Variants in FBXL7 observed in about 807,000 individuals in gnomAD.
The protein encoded by FBXL7 is F-box/LRR-repeat protein 7.
FBXL7 carries 12 observed loss-of-function variants against 38.3 expected under a neutral mutation model. That is an observed-to-expected ratio of 0.31 (90% CI 0.20 to 0.51). The LOEUF is 0.51. Ranked by LOEUF, FBXL7 falls within the 20% of genes least tolerant of loss-of-function variation. The probability of loss-of-function intolerance (pLI) is 0.98; values close to 1 mark genes in which losing one functional copy is unlikely to be tolerated. For missense variants in FBXL7, 567 were observed against 676.4 expected (o/e 0.84, Z 1.79); for synonymous variants, 297 against 300.9 (o/e 0.99, Z 0.13).
intron 2 of FBXL7, among the ~76,000 whole-genome samples, chr5:15,622,471 T>A (rs1032774583): frequency 1.3e-5 from 2 of 152,086 alleles, no homozygotes; most frequent in African/African-American, 4.8e-5. Flanking sequence ...GTGTGTGATG[T>A]TCCCCTTCCT....
At chr5:15,848,616 G>A (rs545364958) in intron 2 of FBXL7, among the ~76,000 whole-genome samples, 4 of 152,106 alleles carry the variant, frequency 2.6e-5, no homozygotes, top group South Asian at 4.1e-4. Context: ...TCCTGACCTC[G>A]TGATCTGCCT....
At chr5:15,554,182 G>A (rs1738166611) in intron 1 of FBXL7, among the ~76,000 whole-genome samples, 1 of 152,150 alleles carries the variant, frequency 6.6e-6, no homozygotes, top group African/African-American at 2.4e-5. Flanking sequence ...GAATGGATTT[G>A]TTGAGGTGGT....
At position 15,611,713 on chromosome 5, in the gene FBXL7, T is replaced by C. The variant is rs551740269; in HGVS notation, c.38-4270T>C. Among the ~76,000 whole-genome samples the C allele has an allele frequency of 3.9e-5, 6 of 152,170 alleles. No homozygotes were observed. The East Asian group carries it at 9.7e-4, about 25-fold the overall frequency. On this transcript the variant is annotated intron_variant, in intron 1 of 3. Transcript: ENST00000504595. ...AATCAACTGTATTGGCCAGGCATGA[T>C]GGCTCTTGCCTGTAATCCCAGCACT...
intron 2 of FBXL7, among the ~76,000 whole-genome samples, chr5:15,648,447 T>C (rs1741606235): frequency 6.6e-6 from 1 of 152,230 alleles, no homozygotes; most frequent in Non-Finnish European, 1.5e-5. Flanking sequence ...ATGAAGGTTT[T>C]ATTTTTTCCC....
At chr5:15,859,077 T>C (rs572201617) in intron 2 of FBXL7, among the ~76,000 whole-genome samples, 1 of 152,232 alleles carries the variant, frequency 6.6e-6, no homozygotes, top group Non-Finnish European at 1.5e-5. Flanking sequence ...TAGACAGAGA[T>C]CAAAGAAGCC....
chr5:15,749,244 CAAAAA>C (rs70938027), intron 2 of FBXL7, among the ~76,000 whole-genome samples: 6,310 of 69,952 alleles, frequency 0.09, 145 homozygotes, highest in Middle Eastern at 0.15. Context: ...GACTCTGTCT[CAAAAA>C]AAAAAAAAAA....
At chr5:15,834,765 CT>C (rs1738551642) in intron 2 of FBXL7, among the ~76,000 whole-genome samples, 1 of 152,176 alleles carries the variant, frequency 6.6e-6, no homozygotes, top group Non-Finnish European at 1.5e-5. Flanking sequence ...CTCTCATTTC[CT>C]TTTCTTTCAG....
intron 1 of FBXL7, among the ~76,000 whole-genome samples, chr5:15,529,318 A>G (rs1737350514): frequency 6.6e-6 from 1 of 152,178 alleles, no homozygotes. Context: ...CGTCCATCCA[A>G]TGATAGATAC....
At chr5:15,874,289 T>G (rs1025621537) in intron 2 of FBXL7, among the ~76,000 whole-genome samples, 1 of 152,174 alleles carries the variant, frequency 6.6e-6, no homozygotes, top group African/African-American at 2.4e-5. Flanking sequence ...AAGAGCTGTA[T>G]ATGGCAGACC....
intron 2 of FBXL7, among the ~76,000 whole-genome samples, chr5:15,621,931 C>G (rs2126528601): frequency 6.6e-6 from 1 of 152,208 alleles, no homozygotes; most frequent in South Asian, 2.1e-4. Context: ...TTAATGAAAT[C>G]ACCATCTGTT....
At chr5:15,879,856 G>T (rs969445850) in intron 2 of FBXL7, among the ~76,000 whole-genome samples, 5 of 152,242 alleles carry the variant, frequency 3.3e-5, no homozygotes, top group African/African-American at 1.2e-4. Context: ...GTGATGAGAT[G>T]CCAAATGCCA....
chr5:15,830,416 A>G (rs1738423106), intron 2 of FBXL7, among the ~76,000 whole-genome samples: 1 of 151,798 alleles, frequency 6.6e-6, no homozygotes, highest in Non-Finnish European at 1.5e-5. Flanking sequence ...CCTGGGAGGC[A>G]GAGGTTGCAG....
intron 2 of FBXL7, among the ~76,000 whole-genome samples, chr5:15,677,350 C>T (rs775072238): frequency 1.3e-5 from 2 of 152,060 alleles, no homozygotes; most frequent in Non-Finnish European, 2.9e-5. Flanking sequence ...GCCTGTACTC[C>T]CAGCTACTCA....
Position 15,590,645 on chromosome 5 carries a change from A to T in FBXL7, c.38-25338A>T, listed in dbSNP as rs140335150. Among the ~76,000 whole-genome samples the T allele has an allele frequency of 3.3e-5, 5 of 152,038 alleles. No homozygotes were observed. In the East Asian group the frequency reaches 9.8e-4, roughly 30 times the overall value. On this transcript the variant is annotated intron_variant, in intron 1 of 3. Coordinates refer to ENST00000504595, the MANE Select transcript of FBXL7 (RefSeq NM_012304.5). ...CATTTTCTATTGTGTAACTTTCCAG[A>T]CCACCTTATTGCCCCCAATCAGGTC... is the stretch of plus-strand genomic sequence containing the variant.
At chr5:15,555,439 C>A (rs922751248) in intron 1 of FBXL7, among the ~76,000 whole-genome samples, 1 of 152,148 alleles carries the variant, frequency 6.6e-6, no homozygotes, top group Admixed American at 6.5e-5. Context: ...TAGTTGGGCT[C>A]GCAGTCTTTA....
intron 2 of FBXL7, among the ~76,000 whole-genome samples, chr5:15,736,163 T>A (rs1735742699): frequency 6.6e-6 from 1 of 152,222 alleles, no homozygotes; most frequent in Non-Finnish European, 1.5e-5. Flanking sequence ...AGTTGCAAAT[T>A]TCAGAACCCT....
intron 2 of FBXL7, among the ~76,000 whole-genome samples, chr5:15,899,079 T>A (rs529292387): frequency 5.9e-4 from 90 of 152,162 alleles, no homozygotes; most frequent in African/African-American, 2.0e-3. Flanking sequence ...ATATATATAT[T>A]TTTTGAGACG....
chr5:15,706,808 C>T (rs1196715210), intron 2 of FBXL7, among the ~76,000 whole-genome samples: 3 of 151,978 alleles, frequency 2.0e-5, no homozygotes, highest in Non-Finnish European at 4.4e-5. Flanking sequence ...TGGAAAATGG[C>T]GTTGGGAAGA....
intron 2 of FBXL7, among the ~76,000 whole-genome samples, chr5:15,840,811 C>T (rs915449499): frequency 5.7e-5 from 8 of 140,634 alleles, no homozygotes; most frequent in African/African-American, 1.4e-4. Flanking sequence ...CACGCCACTG[C>T]ACTCCAGCCT....
Sources: gnomAD v4.1 joint callset for allele counts (sites outside exome capture counted in the v4.1 genomes callset) on GRCh38, gnomAD v4.1.1 for gene constraint, MANE v1.5 for transcripts, NCBI Gene and HGNC (gene_info 2026-07-23, HGNC 2026-07-21) for gene names.